Variants in SAMD8 observed in about 807,000 individuals in gnomAD.
The protein encoded by SAMD8 is sphingomyelin synthase-related protein 1.
In SAMD8, 20 loss-of-function variants were observed where a neutral mutation model predicts 42.0. That is an observed-to-expected ratio of 0.48 (90% CI 0.34 to 0.69). The LOEUF is 0.69. SAMD8 is among the 30% of genes least tolerant of loss of function. The probability of loss-of-function intolerance (pLI) is 0.01; values close to 1 mark genes in which losing one functional copy is unlikely to be tolerated. For missense variants in SAMD8, 328 were observed against 511.6 expected (o/e 0.64, Z 3.46); for synonymous variants, 162 against 173.0 (o/e 0.94, Z 0.50).
chr10:75,106,636 C>T (rs1848529996), intron 1 of SAMD8, among the ~76,000 whole-genome samples: 1 of 152,232 alleles, frequency 6.6e-6, no homozygotes, highest in Admixed American at 6.5e-5. Flanking sequence ...GCCCTCCACA[C>T]TGGCCCACTC....
In SAMD8 at chr10:75,150,661, C is replaced by T. The variant is rs1402165949; in HGVS notation, c.133C>T (p.Leu45=). 6.2e-7 allele frequency: 1 copy of T among 1,614,026 alleles called. No homozygotes were observed. The highest frequency in any genetic ancestry group is 1.7e-5 in the Admixed American group (1 of 59,990). ...NKHRLDGITL[L]TLTEYDLRSP... ...GCACCGACTTGATGGAATCACATTG[C>T]TAACATTGACTGAATATGATCTCCG... The change falls in exon 2 of 6, where the codon CTA becomes TTA. Residue 45 remains leucine, a synonymous_variant. Transcript: ENST00000542569.
upstream of SAMD8, chr10:75,109,095 G>A (rs372219115): frequency 3.1e-6 from 5 of 1,612,282 alleles, 1 homozygote; most frequent in South Asian, 5.5e-5. Flanking sequence ...CCAGCTCCAG[G>A]ATGCTGGGGC....
intron 3 of SAMD8, among the ~76,000 whole-genome samples, chr10:75,168,202 A>C (rs890244060): frequency 2.0e-5 from 3 of 152,164 alleles, no homozygotes; most frequent in Non-Finnish European, 2.9e-5. Flanking sequence ...ATGCTCTTAG[A>C]ATCTAATTTA....
intron 2 of SAMD8, among the ~76,000 whole-genome samples, chr10:75,158,754 C>T (rs1341981739): frequency 3.9e-5 from 6 of 152,134 alleles, no homozygotes; most frequent in African/African-American, 1.4e-4. Context: ...CCCTAGCAAC[C>T]ACTAATCTAC....
intron 1 of SAMD8, among the ~76,000 whole-genome samples, chr10:75,103,369 T>C (rs561820211): frequency 1.3e-5 from 2 of 151,736 alleles, no homozygotes; most frequent in African/African-American, 2.4e-5. Context: ...GTAGAGCAGG[T>C]CTTCAGACAG....
At chr10:75,154,882 C>T (rs1043497527) in intron 2 of SAMD8, among the ~76,000 whole-genome samples, 4 of 151,944 alleles carry the variant, frequency 2.6e-5, no homozygotes, top group East Asian at 1.9e-4. Flanking sequence ...AATATTATTC[C>T]AAGATGTTTT....
intron 1 of SAMD8, chr10:75,103,994 ATCT>A: frequency 2.2e-6 from 3 of 1,354,116 alleles, no homozygotes; most frequent in Non-Finnish European, 3.0e-6. Flanking sequence ...GGCTTCCACC[ATCT>A]TCTGTGTGTC....
upstream of SAMD8, among the ~76,000 whole-genome samples, chr10:75,108,767 T>G (rs1337569287): frequency 1.3e-5 from 2 of 152,130 alleles, no homozygotes; most frequent in Non-Finnish European, 2.9e-5. Flanking sequence ...CTGGAAATGT[T>G]TCCTGGAACT....
intron 1 of SAMD8, among the ~76,000 whole-genome samples, chr10:75,127,165 G>A (rs973726988): frequency 6.7e-6 from 1 of 148,240 alleles, no homozygotes; most frequent in African/African-American, 2.5e-5. Context: ...CTCCAGCCTG[G>A]GCACAGAGCG....
chr10:75,176,073 G>A lies in SAMD8; in HGVS notation c.800G>A (p.Gly267Asp). The A allele has an allele frequency of 6.2e-7, 1 of 1,613,696 alleles. No individual in the cohort carries two copies. Among genetic ancestry groups the A allele is most frequent in the Non-Finnish European group, 8.5e-7 (1 of 1,179,822 alleles). Residue 267 changes from glycine (G) to aspartate (D), a missense_variant, in exon 5 of 6, where the codon GGC becomes GAC. Gly to Asp is a moderately conservative substitution (Grantham distance 94). Transcript: ENST00000542569. The surrounding 1 kb of genome is among the most constrained non-coding windows in gnomAD (Gnocchi z 4.3). The stretch of plus-strand genomic sequence containing the variant: ...CATAACTTTTCTTCATAGATATATG[G>A]CAGTGTATGGGAGAAATTACATCGA... Reference protein sequence around the residue: ...QHLQCTGKIYGSVWEKLHRAF... With the variant: ...QHLQCTGKIYDSVWEKLHRAF...
At chr10:75,167,078 TACTGGTGTTGTC>T (rs1248556765) in intron 3 of SAMD8, among the ~76,000 whole-genome samples, 1 of 152,190 alleles carries the variant, frequency 6.6e-6, no homozygotes, top group Non-Finnish European at 1.5e-5. Context: ...AGTCCAACAG[TACTGGTGTTGTC>T]ACAGTGCAGT....
At chr10:75,108,056 A>G, upstream of SAMD8, 1 of 1,613,914 alleles carries the variant, frequency 6.2e-7, no homozygotes, top group Non-Finnish European at 8.5e-7. Flanking sequence ...CACTGATGTC[A>G]AAATCAGGGA....
At chr10:75,126,616 C>T (rs529063913) in intron 1 of SAMD8, among the ~76,000 whole-genome samples, 3 of 151,410 alleles carry the variant, frequency 2.0e-5, no homozygotes, top group East Asian at 1.9e-4. Context: ...GTCTTCCCAC[C>T]TTGGCCTCCT....
chr10:75,166,563 TGAAGGTGAAAAGAAAG>T (rs1006300938), intron 3 of SAMD8, among the ~76,000 whole-genome samples: 16 of 152,140 alleles, frequency 1.1e-4, no homozygotes, highest in African/African-American at 3.6e-4. Context: ...TTCAGTGTTC[TGAAGGTGAAAAGAAAG>T]GTTGGTGGTT....
Position 75,180,381 on chromosome 10 carries a change from G to A in SAMD8, c.*3689G>A, listed in dbSNP as rs1841059996. ...AGTTCGAGGCCAGCCTGGCCAATGT[G>A]GTGAAACTCCGTCTCTACTAAAAAT... On this transcript the variant is annotated 3_prime_UTR_variant, in exon 6 of 6. Coordinates refer to ENST00000542569, the MANE Select transcript of SAMD8 (RefSeq NM_001174156.2). The A allele has an allele frequency of 6.6e-6, 1 of 152,236 alleles. No individual in the cohort carries two copies. Among genetic ancestry groups the A allele is most frequent in the South Asian group, 2.1e-4 (1 of 4,822 alleles). The allele number at this position is 152,236 out of a possible 1,614,324, so 9.4% of individuals were successfully genotyped here.
At chr10:75,109,219 T>C, upstream of SAMD8, 1 of 1,458,048 alleles carries the variant, frequency 6.9e-7, no homozygotes, top group Non-Finnish European at 9.0e-7. Context: ...CAGTGTCATT[T>C]CTCCTTCCCA....
intron 4 of SAMD8, among the ~76,000 whole-genome samples, chr10:75,174,852 A>G (rs1186712998): frequency 1.3e-5 from 2 of 151,976 alleles, no homozygotes; most frequent in Non-Finnish European, 2.9e-5. Context: ...AGGTTTGGCT[A>G]TTGATAACTG....
chr10:75,150,421 C>A, intron 1 of SAMD8, 93 bp from the exon 2 acceptor site: 1 of 1,477,374 alleles, frequency 6.8e-7, no homozygotes, highest in Non-Finnish European at 8.9e-7. Context: ...CTGCGCCTGG[C>A]CTGTTTCTGG....
chr10:75,179,531 A>T lies in SAMD8; in HGVS notation c.*2839A>T, dbSNP rs78454285. ...TTGTAAAATAACTTTTCAGCCTTGC[A>T]CTTGCTCATATATGTTTTGAGAAAA... On this transcript the variant is annotated 3_prime_UTR_variant, in exon 6 of 6. Transcript: ENST00000542569. 1.3e-5 allele frequency: 2 copies of T among 152,244 alleles called. No homozygotes were observed. The highest frequency in any genetic ancestry group is 3.8e-4 in the East Asian group (2 of 5,198). The allele number at this position is 152,244 out of a possible 1,614,324, so 9.4% of individuals were successfully genotyped here.
Sources: gnomAD v4.1 joint callset for allele counts (sites outside exome capture counted in the v4.1 genomes callset) on GRCh38, gnomAD v4.1.1 for gene constraint, Gnocchi (gnomAD v3.1) non-coding constraint, MANE v1.5 for transcripts, NCBI Gene and HGNC (gene_info 2026-07-23, HGNC 2026-07-21) for gene names.